TMEM131: variants seen among roughly 807,000 people sequenced by gnomAD.
TMEM131 encodes the protein transmembrane protein 131.
In TMEM131, 66 loss-of-function variants were observed where a neutral mutation model predicts 211.6. The ratio of observed to expected loss-of-function variants is 0.31; its 90% CI spans 0.26 to 0.38. The LOEUF (loss-of-function observed/expected upper bound fraction) is 0.38, where lower values mean the gene tolerates loss of function less well. Among genes scored for constraint, TMEM131 ranks in the 10% least tolerant of loss-of-function variants. TMEM131 has a pLI of 1.00. For missense variants in TMEM131, 2,036 were observed against 2,299.3 expected (o/e 0.89, Z 2.34); for synonymous variants, 844 against 841.3 (o/e 1.00, Z -0.06).
chr2:97,821,630 G>A (rs533405053), intron 11 of TMEM131, among the ~76,000 whole-genome samples: 25 of 152,274 alleles, frequency 1.6e-4, no homozygotes, highest in South Asian at 8.3e-4. Context: ...ACATTTTGGC[G>A]ACCCACATGG....
intron 1 of TMEM131, among the ~76,000 whole-genome samples, chr2:97,970,626 G>C (rs922980070): frequency 6.6e-6 from 1 of 152,104 alleles, no homozygotes; most frequent in African/African-American, 2.4e-5. Context: ...ACTCACTCCA[G>C]GCACAAACCA....
rs114379814 is a variant in TMEM131, at chr2:97,918,631, G to A, written c.249+8795C>T. Among the ~76,000 whole-genome samples, 397 of 152,164 alleles carry A rather than the reference G, an allele frequency of 2.6e-3. 2 individuals are homozygous for A. The highest frequency in any genetic ancestry group is 3.2e-3 in the Non-Finnish European group (217 of 67,982). Reference sequence around the variant, plus strand: ...ACAACAAAAACAACAACAAAAAGGCGGGTGGGGGAAATAGCATAAAGGAGA... The same window carrying A: ...ACAACAAAAACAACAACAAAAAGGCAGGTGGGGGAAATAGCATAAAGGAGA... On this transcript the variant is annotated intron_variant, in intron 2 of 40. Coordinates refer to ENST00000186436, the MANE Select transcript of TMEM131 (RefSeq NM_015348.2).
chr2:97,833,213 C>G (rs1682787966), intron 11 of TMEM131, among the ~76,000 whole-genome samples, 152 bp downstream of exon 11: 1 of 152,198 alleles, frequency 6.6e-6, no homozygotes, highest in African/African-American at 2.4e-5. Flanking sequence ...TGGGGCAGAA[C>G]AGGTTTCTCA....
intron 33 of TMEM131, among the ~76,000 whole-genome samples, chr2:97,770,672 T>G (rs910643940): frequency 1.3e-5 from 2 of 152,106 alleles, no homozygotes; most frequent in Non-Finnish European, 2.9e-5. Context: ...GGAACAGGGA[T>G]GGGGGTTAGG....
At chr2:97,865,424 T>C (rs746564914) in intron 4 of TMEM131, among the ~76,000 whole-genome samples, 2 of 152,364 alleles carry the variant, frequency 1.3e-5, no homozygotes, top group East Asian at 1.9e-4. Flanking sequence ...CAGGTTATCA[T>C]AGATGCTCTT....
intron 1 of TMEM131, among the ~76,000 whole-genome samples, chr2:97,946,764 G>A (rs970804337): frequency 6.6e-6 from 1 of 151,394 alleles, no homozygotes; most frequent in Non-Finnish European, 1.5e-5. Context: ...AACAAATAAG[G>A]GTATTAAAAC....
At chr2:97,833,904 C>T (rs1024590875) in intron 10 of TMEM131, among the ~76,000 whole-genome samples, 1 of 152,142 alleles carries the variant, frequency 6.6e-6, no homozygotes, top group African/African-American at 2.4e-5. Flanking sequence ...CTCAAGTGCC[C>T]TGCCTGCCTC....
intron 1 of TMEM131, among the ~76,000 whole-genome samples, chr2:97,946,168 T>C (rs963880334): frequency 6.6e-6 from 1 of 151,550 alleles, no homozygotes; most frequent in African/African-American, 2.4e-5. Context: ...CAGTTATCTA[T>C]ATTGCATACT....
At chr2:97,807,202 G>C (rs1323352906) in intron 19 of TMEM131, among the ~76,000 whole-genome samples, 1 of 152,166 alleles carries the variant, frequency 6.6e-6, no homozygotes, top group Admixed American at 6.5e-5. Flanking sequence ...GCAAGTATCT[G>C]GTCCTGTAAG....
At chr2:97,886,440 G>A (rs2104245417) in intron 4 of TMEM131, among the ~76,000 whole-genome samples, 1 of 152,048 alleles carries the variant, frequency 6.6e-6, no homozygotes, top group Admixed American at 6.5e-5. Context: ...CTTATAAATG[G>A]GTCTTGGAGT....
At chr2:97,813,630 C>A (rs1214769060) in intron 15 of TMEM131, among the ~76,000 whole-genome samples, 1 of 152,166 alleles carries the variant, frequency 6.6e-6, no homozygotes, top group African/African-American at 2.4e-5. Flanking sequence ...TCCCTCTTCA[C>A]CTTCCTTGTA....
At chr2:97,928,748 G>A (rs1283995033) in intron 1 of TMEM131, among the ~76,000 whole-genome samples, 4 of 151,674 alleles carry the variant, frequency 2.6e-5, no homozygotes, top group Non-Finnish European at 4.4e-5. Context: ...CACTGAAATC[G>A]AACAATTAAG....
intron 1 of TMEM131, among the ~76,000 whole-genome samples, chr2:97,939,569 G>A (rs1001346793): frequency 1.3e-5 from 2 of 152,188 alleles, no homozygotes; most frequent in Non-Finnish European, 2.9e-5. Context: ...GGACCAGACA[G>A]ATTCACAGCC....
intron 7 of TMEM131, among the ~76,000 whole-genome samples, chr2:97,837,995 G>A (rs183178256): frequency 9.3e-4 from 141 of 152,276 alleles, no homozygotes; most frequent in African/African-American, 3.2e-3. Flanking sequence ...ATACTCTTGT[G>A]TCTGGCTTCT....
At chr2:97,842,145 ATTTC>A (rs1470783533) in intron 6 of TMEM131, among the ~76,000 whole-genome samples, 2 of 152,196 alleles carry the variant, frequency 1.3e-5, no homozygotes, top group African/African-American at 4.8e-5. Context: ...ATTTAGAATG[ATTTC>A]TTTAATATAT....
At chr2:97,883,769 A>G (rs188600989) in intron 4 of TMEM131, among the ~76,000 whole-genome samples, 45 of 152,338 alleles carry the variant, frequency 3.0e-4, no homozygotes, top group Non-Finnish European at 5.0e-4. Context: ...GTTCTTTATT[A>G]TAAAATAACA....
intron 3 of TMEM131, among the ~76,000 whole-genome samples, chr2:97,903,032 C>T (rs1213517501): frequency 6.6e-6 from 1 of 152,164 alleles, no homozygotes; most frequent in Non-Finnish European, 1.5e-5. Context: ...TTTATCCTAA[C>T]AGTTCTGTCC....
intron 1 of TMEM131, among the ~76,000 whole-genome samples, chr2:97,964,846 C>A (rs1390474876): frequency 6.6e-6 from 1 of 152,208 alleles, no homozygotes; most frequent in Non-Finnish European, 1.5e-5. Context: ...TATCAGCAAA[C>A]TTTGGGAAAA....
rs759067242 is a variant in TMEM131, at chr2:97,766,482, T to C, written c.4569A>G (p.Thr1523=). 6.2e-7 allele frequency: 1 copy of C among 1,614,006 alleles called. No individual in the cohort carries two copies. Among genetic ancestry groups the C allele is most frequent in the East Asian group, 2.2e-5 (1 of 44,876 alleles). ...SGSKSRNAQK[T]KGTSKLVDNR... ...TAGAGAACAAGATGACAATACCTTT[T>C]GTTTTCTGGGCATTTCGTGATTTGG... The change falls in exon 34 of 41, where the codon ACA becomes ACG. Residue 1523 remains threonine, a synonymous_variant. Coordinates refer to ENST00000186436, the MANE Select transcript of TMEM131 (RefSeq NM_015348.2).
Sources: gnomAD v4.1 joint callset for allele counts (sites outside exome capture counted in the v4.1 genomes callset) on GRCh38, gnomAD v4.1.1 for gene constraint, MANE v1.5 for transcripts, NCBI Gene and HGNC (gene_info 2026-07-23, HGNC 2026-07-21) for gene names.